The following ZNF746 variants were observed in gnomAD, a reference collection of about 807,000 sequenced individuals.
The protein encoded by ZNF746 is zinc finger protein 746, also known as parkin-interacting substrate.
Under a neutral mutation model 41.0 loss-of-function variants are expected in ZNF746, and 13 were observed. That is an observed-to-expected ratio of 0.32 (90% CI 0.21 to 0.50). The LOEUF (loss-of-function observed/expected upper bound fraction) is 0.50, where lower values mean the gene tolerates loss of function less well. Ranked by LOEUF, ZNF746 falls within the 20% of genes least tolerant of loss-of-function variation. ZNF746 has a pLI of 0.98. For missense variants in ZNF746, 811 were observed against 922.9 expected, an observed-to-expected ratio of 0.88 and a Z score of 1.57; for synonymous variants, 424 against 396.2, an observed-to-expected ratio of 1.07 and a Z score of -0.83.
Position 149,494,866 on chromosome 7 carries a change from C to T in ZNF746, c.25-363G>A, listed in dbSNP as rs1585743575. ...GCAGGTACCCAGTGCAATTTTGTTA[C>T]GTAAACAGTGACTTAGCATTGCTGG... On this transcript the variant is annotated intron_variant, in intron 1 of 6. Coordinates refer to ENST00000458143, the MANE Select transcript of ZNF746 (RefSeq NM_001394198.1). The surrounding 1 kb of genome is among the most constrained non-coding windows in gnomAD (Gnocchi z 5.6). Among the ~76,000 whole-genome samples the T allele has an allele frequency of 1.3e-5, 2 of 151,928 alleles. No homozygotes were observed. The highest frequency in any genetic ancestry group is 2.1e-4 in the South Asian group (1 of 4,798).
Position 149,497,640 on chromosome 7 carries a change from G to T in ZNF746, c.-104C>A. On this transcript the variant is annotated 5_prime_UTR_variant, in exon 1 of 7. Coordinates refer to ENST00000458143, the MANE Select transcript of ZNF746 (RefSeq NM_001394198.1). This position sits in a 1 kb window ranked among gnomAD's most constrained non-coding sequence, Gnocchi z 4.2. ...CCGGTGCTCTCCGCAGGCGGCGCCTGCCTGGCCTTTCCTCTGCCGCCGCTC... is the reference window on the plus strand; with the variant it reads ...CCGGTGCTCTCCGCAGGCGGCGCCTTCCTGGCCTTTCCTCTGCCGCCGCTC... 1.1e-6 allele frequency: 1 copy of T among 906,994 alleles called. No homozygotes were observed. The highest frequency in any genetic ancestry group is 1.3e-6 in the Non-Finnish European group (1 of 753,458). The allele number at this position is 906,994 out of a possible 1,614,324, so 56.2% of individuals were successfully genotyped here. A position where few individuals can be genotyped will look rare whatever the true frequency, so the allele number is the denominator to read the frequency against.
At chr7:149,487,937 A>G (rs1800677126) in intron 4 of ZNF746, 1 of 152,174 alleles carries the variant, frequency 6.6e-6, no homozygotes, top group South Asian at 2.1e-4. Flanking sequence ...AAGAACAAAT[A>G]TCCAAGAATA....
In ZNF746 at chr7:149,497,314, G is replaced by A. The variant is rs934664893; in HGVS notation, c.24+199C>T. The A allele has an allele frequency of 1.0e-6, 1 of 985,066 alleles. No individual in the cohort carries two copies. Among genetic ancestry groups the A allele is most frequent in the Non-Finnish European group, 1.2e-6 (1 of 829,738 alleles). 61.0% of individuals were successfully genotyped at this position (985,066 alleles called of 1,614,324 possible). On this transcript the variant is annotated intron_variant, in intron 1 of 6. Transcript: ENST00000458143. The surrounding 1 kb of genome is among the most constrained non-coding windows in gnomAD (Gnocchi z 4.2). Reference sequence around the variant, plus strand: ...GGGACAACCGTTCCGCCAGCGCTCGGGTTCGGCTCGGAGTGGGGGCCCGGC... The same window carrying A: ...GGGACAACCGTTCCGCCAGCGCTCGAGTTCGGCTCGGAGTGGGGGCCCGGC...
In ZNF746 at chr7:149,475,085, A is replaced by T; in HGVS notation, c.1282T>A (p.Leu428Met). 1 of 1,602,220 alleles carries T rather than the reference A, an allele frequency of 6.2e-7. No individual in the cohort carries two copies. Residue 428 changes from leucine to methionine, a missense_variant, in exon 7 of 7, where the codon TTG becomes ATG. By Grantham distance (15) the Leu-to-Met change is conservative. Transcript: ENST00000458143. ...YSSPDNGEAI[L>M]DPSQAPRPFN... ...GGCCTTGGGGCCTGGCTGGGGTCCA[A>T]GATGGCCTCTCCGTTGTCCGGGGAG...
At chr7:149,481,166 G>C (rs982434560) in intron 4 of ZNF746, among the ~76,000 whole-genome samples, 3 of 152,178 alleles carry the variant, frequency 2.0e-5, no homozygotes, top group Non-Finnish European at 2.9e-5. Context: ...CAGAAAAAAG[G>C]GGCAAATTAT....
chr7:149,495,907 C>T (rs902726971), intron 1 of ZNF746, among the ~76,000 whole-genome samples: 3 of 152,126 alleles, frequency 2.0e-5, no homozygotes, highest in Non-Finnish European at 4.4e-5. Flanking sequence ...AACCCCAATG[C>T]GGGTGGGAGT....
rs199964465 is a variant in ZNF746 at position 149,477,016 on chromosome 7, C to T, written c.789G>A (p.Pro263=). 3.8e-5 allele frequency: 62 copies of T among 1,612,930 alleles called. No homozygotes were observed. The highest frequency in any genetic ancestry group is 4.0e-5 in the Non-Finnish European group (47 of 1,179,742). ...GGAGATCCGTTTGCCAGGAGGTGGG[C>T]GGGATGGTGGTGGAAAAGTTGGAAT... is the stretch of plus-strand genomic sequence containing the variant. ...GVHSNFSTTI[P]PTSWQTDLPP... The change falls in exon 6 of 7, where the codon CCG becomes CCA. Residue 263 remains proline, a synonymous_variant. Coordinates refer to ENST00000458143, the MANE Select transcript of ZNF746 (RefSeq NM_001394198.1).
chr7:149,492,862 G>C lies in ZNF746; in HGVS notation c.562C>G (p.Pro188Ala). 6.2e-7 allele frequency: 1 copy of C among 1,612,654 alleles called. No individual in the cohort carries two copies. The highest frequency in any genetic ancestry group is 8.5e-7 in the Non-Finnish European group (1 of 1,178,956). Residue 188 changes from proline to alanine, a missense_variant, in exon 4 of 7, where the codon CCA becomes GCA. By Grantham distance (27) the Pro-to-Ala change is conservative (BLOSUM62 -1). Coordinates refer to ENST00000458143, the MANE Select transcript of ZNF746 (RefSeq NM_001394198.1). ...KIPDVPVDPS[P>A]GSGPPVPAPD... ...CTGGCCTTCTCCCAGCCCTTACCTG[G>C]ACTGGGGTCCACAGGAACATCTGGA...
chr7:149,496,232 C>T (rs994219373), intron 1 of ZNF746, among the ~76,000 whole-genome samples: 1 of 152,220 alleles, frequency 6.6e-6, no homozygotes, highest in African/African-American at 2.4e-5. Flanking sequence ...CAACAAGGTG[C>T]ATGGTTTTCT....
intron 5 of ZNF746, 126 bp downstream of exon 5, chr7:149,477,438 A>G (rs537172522): frequency 1.3e-5 from 16 of 1,187,930 alleles, no homozygotes; most frequent in Non-Finnish European, 1.7e-5. Flanking sequence ...GAGACGGGAA[A>G]ATTTCTAAAG....
At position 149,497,483 on chromosome 7, in the gene ZNF746, C is replaced by T. The variant is rs1801048262; in HGVS notation, c.24+30G>A. On this transcript the variant is annotated intron_variant, in intron 1 of 6. Transcript: ENST00000458143. This position sits in a 1 kb window ranked among gnomAD's most constrained non-coding sequence, Gnocchi z 4.2. ...CGGGCCGCCTGGGGCCCCCAGGCCG[C>T]GAGTCCCTGCGCGCGCGGGTCGCCC... 3.7e-6 allele frequency: 4 copies of T among 1,090,644 alleles called. No individual in the cohort carries two copies. Among genetic ancestry groups the T allele is most frequent in the Non-Finnish European group, 2.2e-6 (2 of 902,360 alleles). The allele number at this position is 1,090,644 out of a possible 1,614,324, so 67.6% of individuals were successfully genotyped here.
At position 149,494,188 on chromosome 7, in the gene ZNF746, G is replaced by C. The variant is rs1384675990; in HGVS notation, c.324+16C>G. The C allele has an allele frequency of 6.2e-7, 1 of 1,613,748 alleles. No individual in the cohort carries two copies. ...GGCCGCTTGGGCTCCCACACCCCAA[G>C]GCGTCCCAGGGCTACCTTAGGGGAC... is the stretch of plus-strand genomic sequence containing the variant. On this transcript the variant is annotated intron_variant, in intron 2 of 6. Transcript: ENST00000458143. This position sits in a 1 kb window ranked among gnomAD's most constrained non-coding sequence, Gnocchi z 5.6.
At chr7:149,480,698 A>G (rs1030313898) in intron 4 of ZNF746, among the ~76,000 whole-genome samples, 1 of 152,158 alleles carries the variant, frequency 6.6e-6, no homozygotes, top group African/African-American at 2.4e-5. Context: ...GGCCTCCCCA[A>G]GTGCTAGGAT....
intron 4 of ZNF746, among the ~76,000 whole-genome samples, chr7:149,482,982 G>T (rs1411116521): frequency 2.0e-5 from 3 of 151,880 alleles, no homozygotes; most frequent in Non-Finnish European, 2.9e-5. Context: ...CAAACACAGA[G>T]AAAACACAAG....
At chr7:149,477,482 C>A in intron 5 of ZNF746, 82 bp downstream of exon 5, 3 of 1,458,740 alleles carry the variant, frequency 2.1e-6, no homozygotes, top group Non-Finnish European at 2.8e-6. Context: ...GCCCACAGCT[C>A]CCCCATGCTG....
rs774338936 is a variant in ZNF746, at chr7:149,491,448, G to A, written c.565+1411C>T. On this transcript the variant is annotated intron_variant, in intron 4 of 6. Coordinates refer to ENST00000458143, the MANE Select transcript of ZNF746 (RefSeq NM_001394198.1). ...CCACCCAGGCTAGGAAGCTGGGGAC[G>A]CGCACGGGTTGTAACCCTCTTTTCC... The A allele has an allele frequency of 2.5e-5, 4 of 159,212 alleles. No homozygotes were observed. The South Asian group carries it at 5.4e-4, about 22-fold the overall frequency. The allele number at this position is 159,212 out of a possible 1,614,324, so 9.9% of individuals were successfully genotyped here.
At chr7:149,486,233 T>C (rs1328777427) in intron 4 of ZNF746, among the ~76,000 whole-genome samples, 1 of 151,724 alleles carries the variant, frequency 6.6e-6, no homozygotes, top group African/African-American at 2.4e-5. Flanking sequence ...CCCAGGGTGG[T>C]GAGGATGAGG....
chr7:149,479,009 T>C (rs1057145746), intron 4 of ZNF746, among the ~76,000 whole-genome samples: 1 of 152,018 alleles, frequency 6.6e-6, no homozygotes, highest in Non-Finnish European at 1.5e-5. Flanking sequence ...ATGAAAAATA[T>C]GAAAAAGTTA....
chr7:149,481,255 G>C (rs1255639553), intron 4 of ZNF746, among the ~76,000 whole-genome samples: 1 of 152,182 alleles, frequency 6.6e-6, no homozygotes, highest in African/African-American at 2.4e-5. Flanking sequence ...GTCAGTGGGG[G>C]ATTGGTTCTA....
Sources: gnomAD v4.1 joint callset for allele counts (sites outside exome capture counted in the v4.1 genomes callset) on GRCh38, gnomAD v4.1.1 for gene constraint, Gnocchi (gnomAD v3.1) non-coding constraint, MANE v1.5 for transcripts, NCBI Gene and HGNC (gene_info 2026-07-23, HGNC 2026-07-21) for gene names.